PLXNC1: variants seen among roughly 807,000 people sequenced by gnomAD.
PLXNC1 encodes plexin-C1.
In PLXNC1, 75 loss-of-function variants were observed where a neutral mutation model predicts 178.2. The ratio of observed to expected loss-of-function variants is 0.42; its 90% CI spans 0.35 to 0.51. PLXNC1 has a LOEUF of 0.51. PLXNC1 is among the 20% of genes least tolerant of loss of function. The pLI is 0.02. For missense variants in PLXNC1, 1,503 were observed against 1,984.4 expected (o/e 0.76, Z 4.61); for synonymous variants, 790 against 779.9 (o/e 1.01, Z -0.22).
intron 12 of PLXNC1, among the ~76,000 whole-genome samples, chr12:94,244,295 C>A (rs1964470447): frequency 6.6e-6 from 1 of 152,180 alleles, no homozygotes; most frequent in East Asian, 1.9e-4. Context: ...TGTGGCAAGT[C>A]ACCCTAATGA....
At chr12:94,271,671 G>A (rs1965580121) in intron 21 of PLXNC1, among the ~76,000 whole-genome samples, 1 of 152,156 alleles carries the variant, frequency 6.6e-6, no homozygotes, top group African/African-American at 2.4e-5. Context: ...GCATATTTGT[G>A]GTGAGGTCAG....
chr12:94,166,610 A>T (rs1194801526), intron 1 of PLXNC1, among the ~76,000 whole-genome samples: 1 of 151,596 alleles, frequency 6.6e-6, no homozygotes, highest in Non-Finnish European at 1.5e-5. Flanking sequence ...CCAATCAGAC[A>T]CATCAGCCTT....
rs560424664 is a variant in PLXNC1, at chr12:94,292,856, A to G, written c.3880-1630A>G. On this transcript the variant is annotated intron_variant, in intron 23 of 30. Coordinates refer to ENST00000258526, the MANE Select transcript of PLXNC1 (RefSeq NM_005761.3). ...TTGGAGCATTTTGAATTTTCGGATT[A>G]GGGATGCTCAACCTGTATATACCTA... Among the ~76,000 whole-genome samples, 3 of 152,364 alleles carry G rather than the reference A, an allele frequency of 2.0e-5. No homozygotes were observed. In the East Asian group the frequency reaches 5.8e-4, roughly 29 times the overall value.
At chr12:94,198,068 C>T (rs997821783) in intron 4 of PLXNC1, among the ~76,000 whole-genome samples, 4 of 152,154 alleles carry the variant, frequency 2.6e-5, no homozygotes, top group African/African-American at 9.7e-5. Context: ...GGTCAAAATC[C>T]CTCCACACGT....
intron 1 of PLXNC1, among the ~76,000 whole-genome samples, chr12:94,152,131 ACT>A (rs1356195316): frequency 2.0e-5 from 3 of 152,076 alleles, no homozygotes; most frequent in African/African-American, 7.3e-5. Flanking sequence ...TAAATAATAT[ACT>A]CTGGTTCAAA....
At chr12:94,289,727 C>G (rs1261903545) in intron 23 of PLXNC1, among the ~76,000 whole-genome samples, 2 of 152,176 alleles carry the variant, frequency 1.3e-5, no homozygotes, top group Non-Finnish European at 2.9e-5. Flanking sequence ...AAACCTTTCC[C>G]CCACAAACAT....
chr12:94,290,312 T>A (rs111913735), intron 23 of PLXNC1, among the ~76,000 whole-genome samples: 131 of 152,228 alleles, frequency 8.6e-4, no homozygotes, highest in Non-Finnish European at 1.2e-3. Flanking sequence ...GCTAAGGGGG[T>A]GCCTGCACAG....
intron 5 of PLXNC1, among the ~76,000 whole-genome samples, chr12:94,216,206 T>G (rs1407265043): frequency 1.3e-5 from 2 of 151,392 alleles, no homozygotes; most frequent in African/African-American, 4.9e-5. Flanking sequence ...AGGTGAAGGT[T>G]GCAGTGAACC....
At chr12:94,177,803 A>C (rs959257830) in intron 2 of PLXNC1, among the ~76,000 whole-genome samples, 34 of 152,208 alleles carry the variant, frequency 2.2e-4, no homozygotes, top group African/African-American at 7.7e-4. Context: ...TGCAGCTCCT[A>C]ATTTACGTAA....
At chr12:94,279,142 A>G (rs1966229840) in intron 21 of PLXNC1, among the ~76,000 whole-genome samples, 1 of 152,188 alleles carries the variant, frequency 6.6e-6, no homozygotes, top group South Asian at 2.1e-4. Context: ...AACCCTTCCA[A>G]TTCTTTTTTT....
chr12:94,223,289 C>T (rs965930853), intron 6 of PLXNC1, among the ~76,000 whole-genome samples: 4 of 152,166 alleles, frequency 2.6e-5, no homozygotes, highest in African/African-American at 9.7e-5. Context: ...ATAGTACCAC[C>T]TCCTATTCCT....
intron 9 of PLXNC1, among the ~76,000 whole-genome samples, chr12:94,232,714 A>G (rs1964137533): frequency 6.6e-6 from 1 of 152,180 alleles, no homozygotes; most frequent in Admixed American, 6.5e-5. Flanking sequence ...TGCACAAGAG[A>G]AAAAGATACA....
intron 14 of PLXNC1, among the ~76,000 whole-genome samples, chr12:94,248,717 C>T (rs181037832): frequency 6.6e-6 from 1 of 152,248 alleles, no homozygotes; most frequent in Non-Finnish European, 1.5e-5. Context: ...AATCTCTAGA[C>T]CCATTGACAA....
At chr12:94,247,857 G>A (rs1308044757) in intron 12 of PLXNC1, 46 bp from the exon 13 acceptor site, 3 of 1,552,694 alleles carry the variant, frequency 1.9e-6, no homozygotes, top group Middle Eastern at 2.1e-4. Flanking sequence ...ATCACAGCTG[G>A]GATTCGTTAA....
chr12:94,186,441 C>A lies in PLXNC1; in HGVS notation c.1407C>A (p.Asp469Glu). The change falls in exon 4 of 31, where the codon GAC becomes GAA. Residue 469 changes from aspartate (D) to glutamate (E), a missense_variant. By Grantham distance (45) the Asp-to-Glu change is conservative (BLOSUM62 2). Transcript: ENST00000258526. ...GTTCGGAGTGTTTAACAGCCACAGA[C>A]CCTCACTGCGGTTGGTGCCATTCGC... ...KSCSECLTAT[D>E]PHCGWCHSLQ... 6.2e-7 allele frequency: 1 copy of A among 1,613,586 alleles called. No individual in the cohort carries two copies. The highest frequency in any genetic ancestry group is 8.5e-7 in the Non-Finnish European group (1 of 1,179,484).
chr12:94,247,029 A>G (rs538270885), intron 12 of PLXNC1, among the ~76,000 whole-genome samples: 5 of 152,064 alleles, frequency 3.3e-5, no homozygotes, highest in African/African-American at 1.2e-4. Context: ...GTACACCTAA[A>G]CAGGACAATA....
chr12:94,280,772 C>G (rs1022355902), intron 22 of PLXNC1, among the ~76,000 whole-genome samples: 1 of 152,226 alleles, frequency 6.6e-6, no homozygotes, highest in Non-Finnish European at 1.5e-5. Flanking sequence ...CATGGGCATA[C>G]CCCGCCCGAC....
chr12:94,231,321 G>C (rs545210372), intron 9 of PLXNC1, among the ~76,000 whole-genome samples: 1 of 152,080 alleles, frequency 6.6e-6, no homozygotes, highest in East Asian at 1.9e-4. Context: ...AAGATTCCAG[G>C]ACACACGCTA....
intron 4 of PLXNC1, among the ~76,000 whole-genome samples, chr12:94,196,810 C>T (rs942546246): frequency 6.6e-6 from 1 of 152,186 alleles, no homozygotes; most frequent in East Asian, 1.9e-4. Context: ...CCATTTAGTC[C>T]TCCTGGTACC....
Sources: gnomAD v4.1 joint callset for allele counts (sites outside exome capture counted in the v4.1 genomes callset) on GRCh38, gnomAD v4.1.1 for gene constraint, MANE v1.5 for transcripts, NCBI Gene and HGNC (gene_info 2026-07-23, HGNC 2026-07-21) for gene names.